The following ZNF804B variants were observed in gnomAD, a reference collection of about 807,000 sequenced individuals.
ZNF804B encodes the protein zinc finger 804B.
A neutral mutation model predicts 101.4 loss-of-function variants in ZNF804B; 80 were observed. The observed-to-expected ratio is 0.79, with a 90% confidence interval of 0.66 to 0.95. The LOEUF (loss-of-function observed/expected upper bound fraction) is 0.95, where lower values mean the gene tolerates loss of function less well. Ranked by LOEUF, ZNF804B falls within the 40% of genes least tolerant of loss-of-function variation. The probability of loss-of-function intolerance (pLI) is 0.00; values close to 1 mark genes in which losing one functional copy is unlikely to be tolerated. For missense variants in ZNF804B, 1,673 were observed against 1,561.9 expected (o/e 1.07, Z -1.20); for synonymous variants, 622 against 558.8 (o/e 1.11, Z -1.59).
At chr7:88,859,862 A>G (rs376363908) in intron 1 of ZNF804B, among the ~76,000 whole-genome samples, 24 of 151,958 alleles carry the variant, frequency 1.6e-4, no homozygotes, top group Non-Finnish European at 3.2e-4. Flanking sequence ...AGTCAAAAGG[A>G]TAATTCCTGA....
chr7:89,325,944 A>G (rs1209269331), intron 2 of ZNF804B, among the ~76,000 whole-genome samples: 1 of 152,016 alleles, frequency 6.6e-6, no homozygotes, highest in African/African-American at 2.4e-5. Flanking sequence ...TAGGCTTTCA[A>G]GTACATAGGG....
intron 1 of ZNF804B, among the ~76,000 whole-genome samples, chr7:88,902,512 G>A (rs1792407649): frequency 6.6e-6 from 1 of 151,936 alleles, no homozygotes; most frequent in African/African-American, 2.4e-5. Flanking sequence ...GCATCAGTGA[G>A]TATATAACAT....
At chr7:88,805,097 G>A (rs1041942619) in intron 1 of ZNF804B, among the ~76,000 whole-genome samples, 1 of 152,104 alleles carries the variant, frequency 6.6e-6, no homozygotes, top group African/African-American at 2.4e-5. Context: ...ACTTAATATT[G>A]AGAACCATTA....
rs767944068 is a variant in ZNF804B, at chr7:89,050,752, C to G, written c.109-167403C>G. 2.0e-5 allele frequency among the ~76,000 whole-genome samples: 3 copies of G among 152,008 alleles called. No homozygotes were observed. The East Asian group carries it at 5.8e-4, about 29-fold the overall frequency. The stretch of plus-strand genomic sequence containing the variant: ...ACAGTTCATTTTCATATATCAAAAC[C>G]GGCTCATTATAACAAGTGAAATGAT... On this transcript the variant is annotated intron_variant, in intron 1 of 3. Coordinates refer to ENST00000333190, the MANE Select transcript of ZNF804B (RefSeq NM_181646.5).
In ZNF804B at chr7:89,168,682, C is replaced by CTTT. The variant is rs372503661; in HGVS notation, c.109-49452_109-49450dup. The stretch of plus-strand genomic sequence containing the variant: ...GAATCCCTTGTAGTAGAGCTGAATA[C>CTTT]TTTTTTTTTTTTTTTTTTTTTTTGC... On this transcript the variant is annotated intron_variant, in intron 1 of 3. Coordinates refer to ENST00000333190, the MANE Select transcript of ZNF804B (RefSeq NM_181646.5). 2.7e-3 allele frequency among the ~76,000 whole-genome samples: 308 copies of CTTT among 115,744 alleles called. 7 individuals are homozygous for CTTT. The highest frequency in any genetic ancestry group is 7.2e-3 in the African/African-American group (219 of 30,618). The allele number at this position is 115,744 out of a possible 152,430, so 75.9% of individuals were successfully genotyped here. A position where few individuals can be genotyped will look rare whatever the true frequency, so the allele number is the denominator to read the frequency against.
At chr7:88,954,743 T>C (rs1454255327) in intron 1 of ZNF804B, among the ~76,000 whole-genome samples, 1 of 151,764 alleles carries the variant, frequency 6.6e-6, no homozygotes, top group Non-Finnish European at 1.5e-5. Flanking sequence ...TCTTCACTGA[T>C]AATATTTCAG....
chr7:88,961,671 A>G (rs1226456280), intron 1 of ZNF804B, among the ~76,000 whole-genome samples: 1 of 151,436 alleles, frequency 6.6e-6, no homozygotes, highest in African/African-American at 2.4e-5. Context: ...CCTCATGGGC[A>G]TGAGGTAAAA....
chr7:89,152,930 C>G (rs1183632323), intron 1 of ZNF804B, among the ~76,000 whole-genome samples: 1 of 152,004 alleles, frequency 6.6e-6, no homozygotes, highest in African/African-American at 2.4e-5. Flanking sequence ...CCACCTTTGT[C>G]TTTAAACATT....
chr7:88,902,365 T>C (rs1298006275), intron 1 of ZNF804B, among the ~76,000 whole-genome samples: 3 of 152,068 alleles, frequency 2.0e-5, no homozygotes, highest in Admixed American at 1.3e-4. Flanking sequence ...GAGCTATTAC[T>C]TCCATTTCTC....
At chr7:89,146,201 A>G (rs1329316609) in intron 1 of ZNF804B, among the ~76,000 whole-genome samples, 1 of 152,126 alleles carries the variant, frequency 6.6e-6, no homozygotes, top group Non-Finnish European at 1.5e-5. Flanking sequence ...AAGAAAATCA[A>G]TGAACATTTA....
intron 2 of ZNF804B, among the ~76,000 whole-genome samples, chr7:89,248,062 A>G (rs1235791770): frequency 1.3e-5 from 2 of 152,168 alleles, no homozygotes; most frequent in African/African-American, 4.8e-5. Flanking sequence ...AGAAAAAAAA[A>G]GTTTTAAAAA....
rs1305447871 is a variant in ZNF804B, at chr7:89,334,523, G to A, written c.1541G>A (p.Ser514Asn). 5 of 1,613,542 alleles carry A rather than the reference G, an allele frequency of 3.1e-6. No homozygotes were observed. The African/African-American group carries it at 5.3e-5, about 17-fold the overall frequency. The stretch of plus-strand genomic sequence containing the variant: ...TTGGAATTGAAGACTAAAAGAGAGA[G>A]CCAAGTCTCAGGTTTAACTGAAGAC... ...KPLELKTKRE[S>N]QVSGLTEDQQ... Residue 514 changes from serine (S) to asparagine (N), a missense_variant, in exon 4 of 4, where the codon AGC becomes AAC. Transcript: ENST00000333190.
intron 2 of ZNF804B, among the ~76,000 whole-genome samples, chr7:89,311,957 G>C (rs1042701436): frequency 3.3e-5 from 5 of 152,056 alleles, no homozygotes; most frequent in Non-Finnish European, 7.4e-5. Context: ...TTGGATCTTG[G>C]CCACAATAGC....
intron 1 of ZNF804B, among the ~76,000 whole-genome samples, chr7:89,198,072 A>G (rs1277547626): frequency 6.6e-6 from 1 of 151,872 alleles, no homozygotes; most frequent in Non-Finnish European, 1.5e-5. Flanking sequence ...TTAGCAAACA[A>G]ACGGATTATT....
intron 1 of ZNF804B, among the ~76,000 whole-genome samples, chr7:88,776,072 T>A (rs1586897867): frequency 6.6e-6 from 1 of 152,324 alleles, no homozygotes; most frequent in East Asian, 1.9e-4. Context: ...TTCACCATTA[T>A]CAGGCTCAGG....
chr7:89,017,370 T>G (rs1412285544), intron 1 of ZNF804B, among the ~76,000 whole-genome samples: 1 of 152,198 alleles, frequency 6.6e-6, no homozygotes, highest in Non-Finnish European at 1.5e-5. Flanking sequence ...CTTCCAACAC[T>G]ATGTTGAATA....
In ZNF804B at chr7:88,810,461, T is replaced by C. The variant is rs141545962; in HGVS notation, c.108+50377T>C. Among the ~76,000 whole-genome samples the C allele has an allele frequency of 8.6e-3, 1,289 of 150,476 alleles. 6 individuals are homozygous for C. The highest frequency in any genetic ancestry group is 0.017 in the Middle Eastern group (5 of 292). On this transcript the variant is annotated intron_variant, in intron 1 of 3. Transcript: ENST00000333190. ...TGAGCCCAGGAGTTCGAGACCAGCC[T>C]GGGCAATATGGCAAAACCTCATCTC...
intron 1 of ZNF804B, among the ~76,000 whole-genome samples, chr7:89,122,123 G>A (rs1790416628): frequency 6.6e-6 from 1 of 152,082 alleles, no homozygotes; most frequent in Admixed American, 6.5e-5. Flanking sequence ...AGTAACCACA[G>A]CAGTTTTTTA....
intron 1 of ZNF804B, among the ~76,000 whole-genome samples, chr7:88,946,137 G>A (rs1050480708): frequency 1.3e-5 from 2 of 152,074 alleles, no homozygotes; most frequent in African/African-American, 4.8e-5. Flanking sequence ...TTGAATAGGA[G>A]TGGTGAAAGA....
Sources: allele counts gnomAD v4.1 joint callset (sites outside exome capture counted in the v4.1 genomes callset), GRCh38; gene constraint gnomAD v4.1.1; transcripts MANE v1.5; gene names NCBI Gene and HGNC (gene_info 2026-07-23, HGNC 2026-07-21).